The following SLC16A7 variants were observed in gnomAD, a reference collection of about 807,000 sequenced individuals.
SLC16A7 encodes the protein solute carrier family 16 member 7, also known as monocarboxylate transporter 2.
Under a neutral mutation model 34.9 loss-of-function variants are expected in SLC16A7, and 33 were observed. The ratio of observed to expected loss-of-function variants is 0.94; its 90% CI spans 0.72 to 1.26. The LOEUF is 1.26. SLC16A7 is among the 50% of genes most tolerant of loss of function. SLC16A7 has a pLI of 0.00. For synonymous variants in SLC16A7, 201 were observed against 206.6 expected, an observed-to-expected ratio of 0.97 and a Z score of 0.23; for missense variants, 573 against 578.1, an observed-to-expected ratio of 0.99 and a Z score of 0.09.
rs891213358 is a variant in SLC16A7 at position 59,771,263 on chromosome 12, G to A, written c.262G>A (p.Val88Met). The A allele has an allele frequency of 3.7e-6, 6 of 1,613,466 alleles. No homozygotes were observed. The highest frequency in any genetic ancestry group is 3.4e-6 in the Non-Finnish European group (4 of 1,179,618). The change falls in exon 4 of 6, where the codon GTG becomes ATG. Residue 88 changes from valine to methionine, a missense_variant. By Grantham distance (21) the Val-to-Met change is conservative. Coordinates refer to ENST00000547379, the MANE Select transcript of SLC16A7 (RefSeq NM_001270623.2). ...GGTGAATAAATACGGCAGCCGGCCG[G>A]TGGTGATAGCAGGAGGCTTATTATG... ...VLVNKYGSRP[V>M]VIAGGLLCCL...
At chr12:59,633,408 T>G (rs564012073) in intron 1 of SLC16A7, among the ~76,000 whole-genome samples, 41 of 152,136 alleles carry the variant, frequency 2.7e-4, no homozygotes, top group African/African-American at 9.4e-4. Flanking sequence ...GTCTACAGTT[T>G]AAATAAGAGA....
intron 1 of SLC16A7, among the ~76,000 whole-genome samples, chr12:59,638,232 T>C (rs912357491): frequency 7.2e-5 from 11 of 152,096 alleles, no homozygotes; most frequent in African/African-American, 1.7e-4. Context: ...ACTCTTTGTG[T>C]AGCATTCTTT....
intron 2 of SLC16A7, among the ~76,000 whole-genome samples, chr12:59,668,554 T>C (rs373866766): frequency 6.6e-6 from 1 of 152,232 alleles, no homozygotes; most frequent in Non-Finnish European, 1.5e-5. Flanking sequence ...TGCACCCCAG[T>C]TGTATCTAGG....
In SLC16A7 at chr12:59,674,415, T is replaced by C. The variant is rs550397243; in HGVS notation, c.-31+19165T>C. On this transcript the variant is annotated intron_variant, in intron 2 of 5. Transcript: ENST00000547379. ...ATGATAGAAAGAGGCTTTCTTCTTCTCACAAAACTTTGTTGATAGAACTAT... is the reference window on the plus strand; with the variant it reads ...ATGATAGAAAGAGGCTTTCTTCTTCCCACAAAACTTTGTTGATAGAACTAT... 2.0e-5 allele frequency among the ~76,000 whole-genome samples: 3 copies of C among 152,332 alleles called. No homozygotes were observed. In the East Asian group the frequency reaches 5.8e-4, roughly 29 times the overall value.
At chr12:59,657,264 C>A (rs1483842459) in intron 2 of SLC16A7, among the ~76,000 whole-genome samples, 1 of 151,798 alleles carries the variant, frequency 6.6e-6, no homozygotes, top group African/African-American at 2.4e-5. Flanking sequence ...TTTTTAAAAA[C>A]CTTTCATGCT....
At chr12:59,748,272 G>C (rs1879116430) in intron 3 of SLC16A7, among the ~76,000 whole-genome samples, 1 of 152,086 alleles carries the variant, frequency 6.6e-6, no homozygotes, top group Non-Finnish European at 1.5e-5. Context: ...GACGCTACAG[G>C]CCACCATCCA....
At chr12:59,613,050 A>G (rs1383010084) in intron 1 of SLC16A7, among the ~76,000 whole-genome samples, 1 of 152,204 alleles carries the variant, frequency 6.6e-6, no homozygotes, top group African/African-American at 2.4e-5. Flanking sequence ...TACTGTATTA[A>G]TATGTTCTCG....
intron 1 of SLC16A7, among the ~76,000 whole-genome samples, chr12:59,616,732 G>A (rs1164470771): frequency 6.6e-6 from 1 of 152,042 alleles, no homozygotes; most frequent in Admixed American, 6.6e-5. Flanking sequence ...TATAGGTCAT[G>A]GAAATTAAAG....
At chr12:59,636,446 G>A (rs1265498321) in intron 1 of SLC16A7, among the ~76,000 whole-genome samples, 1 of 152,026 alleles carries the variant, frequency 6.6e-6, no homozygotes, top group Non-Finnish European at 1.5e-5. Flanking sequence ...GACAAAAATA[G>A]ATGCACAAAA....
chr12:59,698,197 G>A (rs1348029409), intron 2 of SLC16A7, among the ~76,000 whole-genome samples: 1 of 151,562 alleles, frequency 6.6e-6, no homozygotes, highest in Non-Finnish European at 1.5e-5. Flanking sequence ...AAACAGTCCT[G>A]AATTTTTATG....
In SLC16A7 at chr12:59,785,715, A is replaced by C. The variant is rs1883566249; in HGVS notation, c.*6036A>C. On this transcript the variant is annotated 3_prime_UTR_variant, in exon 6 of 6. Coordinates refer to ENST00000547379, the MANE Select transcript of SLC16A7 (RefSeq NM_001270623.2). ...GGTGAGCAATATTCAGGAATATTTC[A>C]GTAGGCAATTAATGATCATAAATTT... The C allele has an allele frequency of 6.6e-6, 1 of 152,142 alleles. No individual in the cohort carries two copies. The highest frequency in any genetic ancestry group is 2.4e-5 in the African/African-American group (1 of 41,432). The allele number at this position is 152,142 out of a possible 1,614,324, so 9.4% of individuals were successfully genotyped here.
intron 1 of SLC16A7, among the ~76,000 whole-genome samples, chr12:59,652,564 C>A (rs1234829588): frequency 2.0e-5 from 3 of 151,820 alleles, no homozygotes; most frequent in African/African-American, 7.2e-5. Flanking sequence ...AAATAATGAT[C>A]TCTGAAATTA....
At chr12:59,756,418 C>T (rs1565700330) in intron 3 of SLC16A7, among the ~76,000 whole-genome samples, 1 of 151,776 alleles carries the variant, frequency 6.6e-6, no homozygotes, top group Admixed American at 6.6e-5. Flanking sequence ...AAGAGAAAAA[C>T]AAACAACCCC....
intron 3 of SLC16A7, among the ~76,000 whole-genome samples, chr12:59,714,823 C>G (rs149944978): frequency 0.023 from 3,472 of 152,200 alleles, 60 homozygotes; most frequent in South Asian, 0.053. Context: ...CCTCGGCCTC[C>G]CAAAGTGCTG....
chr12:59,741,970 A>C (rs1312543293), intron 3 of SLC16A7, among the ~76,000 whole-genome samples: 2 of 152,172 alleles, frequency 1.3e-5, no homozygotes, highest in African/African-American at 4.8e-5. Context: ...GTTTATTAAA[A>C]AGTTTTACAG....
At chr12:59,749,716 GAGA>G (rs1472405485) in intron 3 of SLC16A7, among the ~76,000 whole-genome samples, 1 of 152,204 alleles carries the variant, frequency 6.6e-6, no homozygotes, top group Non-Finnish European at 1.5e-5. Flanking sequence ...TTCTGCTAGA[GAGA>G]AGATGTTTTG....
In SLC16A7 at chr12:59,706,964, C is replaced by A. The variant is rs573304351; in HGVS notation, c.217+1946C>A. Among the ~76,000 whole-genome samples, 4 of 152,022 alleles carry A rather than the reference C, an allele frequency of 2.6e-5. No homozygotes were observed. The South Asian group carries it at 8.3e-4, about 32-fold the overall frequency. On this transcript the variant is annotated intron_variant, in intron 3 of 5. Coordinates refer to ENST00000547379, the MANE Select transcript of SLC16A7 (RefSeq NM_001270623.2). ...TTTACATTCTCTGTTAGTTTTCAGA[C>A]CTCAGAGTCTTGATGACTTAAAACA... is the stretch of plus-strand genomic sequence containing the variant.
At chr12:59,682,652 G>A (rs955660527) in intron 2 of SLC16A7, among the ~76,000 whole-genome samples, 1 of 152,172 alleles carries the variant, frequency 6.6e-6, no homozygotes, top group Non-Finnish European at 1.5e-5. Flanking sequence ...TTGTGTGGAA[G>A]GATAGGTGTG....
intron 1 of SLC16A7, among the ~76,000 whole-genome samples, chr12:59,601,561 T>C (rs1878684353): frequency 6.6e-6 from 1 of 152,206 alleles, no homozygotes. Flanking sequence ...ACTTTTTCAT[T>C]GTGTAGGACT....
Sources: gnomAD v4.1 joint callset for allele counts (sites outside exome capture counted in the v4.1 genomes callset) on GRCh38, gnomAD v4.1.1 for gene constraint, MANE v1.5 for transcripts, NCBI Gene and HGNC (gene_info 2026-07-23, HGNC 2026-07-21) for gene names.